The following PID1 variants were observed in gnomAD, a reference collection of about 807,000 sequenced individuals.
PID1 encodes the protein PTB-containing, cubilin and LRP1-interacting protein.
PID1 carries 10 observed loss-of-function variants against 19.1 expected under a neutral mutation model. The ratio of observed to expected loss-of-function variants is 0.52; its 90% CI spans 0.32 to 0.89. PID1 has a LOEUF of 0.89. PID1 is among the 40% of genes least tolerant of loss of function. The pLI, the probability that PID1 is intolerant of heterozygous loss-of-function variation, is 0.03. For missense variants in PID1, 248 were observed against 285.3 expected (o/e 0.87, Z 0.94); for synonymous variants, 130 against 116.0 (o/e 1.12, Z -0.78).
At chr2:229,256,760 A>C (rs1309179537) in intron 1 of PID1, among the ~76,000 whole-genome samples, 1 of 152,234 alleles carries the variant, frequency 6.6e-6, no homozygotes, top group Non-Finnish European at 1.5e-5. Context: ...GGAAGATATT[A>C]GTATTTATCT....
chr2:229,261,877 A>C (rs1343762620), intron 1 of PID1, among the ~76,000 whole-genome samples: 1 of 147,554 alleles, frequency 6.8e-6, no homozygotes, highest in Non-Finnish European at 1.5e-5. Context: ...CAAGAAAATA[A>C]GTATTATGAC....
At position 229,113,864 on chromosome 2, in the gene PID1, C is replaced by G. The variant is rs991933096; in HGVS notation, c.177+41954G>C. Among the ~76,000 whole-genome samples, 14 of 152,166 alleles carry G rather than the reference C, an allele frequency of 9.2e-5. No homozygotes were observed. The East Asian group carries it at 2.3e-3, about 25-fold the overall frequency. The stretch of plus-strand genomic sequence containing the variant: ...GAGAGTTAGTTGGTCCAACTTTATT[C>G]TAGATGTTTCTGTGAAGGTATTTTT... On this transcript the variant is annotated intron_variant, in intron 2 of 2. Transcript: ENST00000392055.
intron 2 of PID1, among the ~76,000 whole-genome samples, chr2:229,040,183 C>G (rs1163643797): frequency 6.7e-6 from 1 of 149,544 alleles, no homozygotes; most frequent in African/African-American, 2.5e-5. Context: ...CATTGGGAAG[C>G]TGAGGAGGGC....
chr2:229,233,243 G>T (rs755868975), intron 1 of PID1, among the ~76,000 whole-genome samples: 5 of 152,140 alleles, frequency 3.3e-5, no homozygotes, highest in Non-Finnish European at 7.3e-5. Flanking sequence ...TGGATTACTT[G>T]TTCAAAGCTG....
intron 2 of PID1, among the ~76,000 whole-genome samples, chr2:229,129,371 G>A (rs186891328): frequency 9.4e-4 from 136 of 145,262 alleles, no homozygotes; most frequent in African/African-American, 3.4e-3. Flanking sequence ...CCGAGATTGC[G>A]CCACTGCACC....
intron 2 of PID1, among the ~76,000 whole-genome samples, chr2:229,102,251 T>C (rs1350656154): frequency 6.6e-6 from 1 of 152,170 alleles, no homozygotes; most frequent in Non-Finnish European, 1.5e-5. Flanking sequence ...TAACACTATG[T>C]AGAACACTAT....
At chr2:229,037,798 G>A (rs967799406) in intron 2 of PID1, among the ~76,000 whole-genome samples, 1 of 152,142 alleles carries the variant, frequency 6.6e-6, no homozygotes, top group African/African-American at 2.4e-5. Flanking sequence ...AGAAGAGTAT[G>A]CTGAAAAGCG....
chr2:229,218,589 G>A (rs578110813), intron 1 of PID1, among the ~76,000 whole-genome samples: 9 of 152,306 alleles, frequency 5.9e-5, no homozygotes, highest in African/African-American at 1.7e-4. Flanking sequence ...GTGCAGACAG[G>A]TCTCAGAGGA....
intron 2 of PID1, among the ~76,000 whole-genome samples, chr2:229,152,334 T>C (rs566172504): frequency 1.4e-4 from 22 of 152,328 alleles, no homozygotes; most frequent in Non-Finnish European, 3.1e-4. Flanking sequence ...TCACACAAGT[T>C]TCAGAAGTAC....
At chr2:229,073,514 A>G (rs929400248) in intron 2 of PID1, among the ~76,000 whole-genome samples, 6 of 152,308 alleles carry the variant, frequency 3.9e-5, no homozygotes, top group African/African-American at 1.4e-4. Context: ...TCACACAATC[A>G]ATATTCTCCT....
chr2:229,081,874 G>T (rs1694675633), intron 2 of PID1, among the ~76,000 whole-genome samples: 1 of 152,198 alleles, frequency 6.6e-6, no homozygotes, highest in Non-Finnish European at 1.5e-5. Flanking sequence ...AAGTACCACA[G>T]AATTCTCAAA....
At chr2:229,110,398 G>A (rs900227004) in intron 2 of PID1, among the ~76,000 whole-genome samples, 1 of 152,174 alleles carries the variant, frequency 6.6e-6, no homozygotes, top group Admixed American at 6.5e-5. Context: ...AACAGGAAGT[G>A]TCTGTATCTG....
chr2:229,069,623 T>G (rs1169501480), intron 2 of PID1, among the ~76,000 whole-genome samples: 1 of 152,188 alleles, frequency 6.6e-6, no homozygotes, highest in Non-Finnish European at 1.5e-5. Context: ...AAATGCCCCA[T>G]GTGTGAAGGC....
At chr2:229,264,859 G>A (rs770338555) in intron 1 of PID1, among the ~76,000 whole-genome samples, 5 of 152,166 alleles carry the variant, frequency 3.3e-5, no homozygotes, top group Admixed American at 6.5e-5. Flanking sequence ...CATAGTACTT[G>A]GGACGTAGTA....
At chr2:229,213,232 A>G (rs921089651) in intron 1 of PID1, among the ~76,000 whole-genome samples, 1 of 152,144 alleles carries the variant, frequency 6.6e-6, no homozygotes, top group Non-Finnish European at 1.5e-5. Flanking sequence ...ATGAGAATTA[A>G]GTTAGATAAA....
At chr2:229,092,796 T>G (rs1236106332) in intron 2 of PID1, among the ~76,000 whole-genome samples, 4 of 152,228 alleles carry the variant, frequency 2.6e-5, no homozygotes, top group African/African-American at 9.6e-5. Context: ...ACACTGCCCA[T>G]GACACCATTT....
At chr2:229,066,019 C>G (rs145712176) in intron 2 of PID1, among the ~76,000 whole-genome samples, 1 of 152,118 alleles carries the variant, frequency 6.6e-6, no homozygotes, top group Non-Finnish European at 1.5e-5. Flanking sequence ...CACCAACAAC[C>G]TTTCTACTTC....
Position 229,025,521 on chromosome 2 carries a change from T to G in PID1, c.*111A>C. 2 of 774,824 alleles carry G rather than the reference T, an allele frequency of 2.6e-6. No individual in the cohort carries two copies. The highest frequency in any genetic ancestry group is 4.4e-6 in the Non-Finnish European group (2 of 458,812). The allele number at this position is 774,824 out of a possible 1,614,324, so 48.0% of individuals were successfully genotyped here. Reference sequence around the variant, plus strand: ...GCTCTTCTGAATTTAAAAACCTTGGTCAGCCAATAGTTTGGCAGTCTTTTC... The same window carrying G: ...GCTCTTCTGAATTTAAAAACCTTGGGCAGCCAATAGTTTGGCAGTCTTTTC... On this transcript the variant is annotated 3_prime_UTR_variant, in exon 3 of 3. Transcript: ENST00000392055.
At chr2:229,167,733 C>T (rs1487757369) in intron 1 of PID1, among the ~76,000 whole-genome samples, 1 of 152,052 alleles carries the variant, frequency 6.6e-6, no homozygotes, top group Non-Finnish European at 1.5e-5. Context: ...TATTACTTTC[C>T]TGGTTTTTAT....
Sources: allele counts gnomAD v4.1 joint callset (sites outside exome capture counted in the v4.1 genomes callset), GRCh38; gene constraint gnomAD v4.1.1; transcripts MANE v1.5; gene names NCBI Gene and HGNC (gene_info 2026-07-23, HGNC 2026-07-21).